The following DNAH7 variants were observed in gnomAD, a reference collection of about 807,000 sequenced individuals.
DNAH7 encodes the protein dynein axonemal heavy chain 7.
A neutral mutation model predicts 444.6 loss-of-function variants in DNAH7; 397 were observed. That is an observed-to-expected ratio of 0.89 (90% CI 0.82 to 0.97). DNAH7 has a LOEUF of 0.97. DNAH7 is among the 50% of genes least tolerant of loss of function. The pLI, the probability that DNAH7 is intolerant of heterozygous loss-of-function variation, is 0.00. For synonymous variants in DNAH7, 1,636 were observed against 1,624.4 expected, an observed-to-expected ratio of 1.01 and a Z score of -0.17; for missense variants, 4,902 against 4,800.8, an observed-to-expected ratio of 1.02 and a Z score of -0.62.
intron 55 of DNAH7, among the ~76,000 whole-genome samples, chr2:195,797,489 A>G (rs1272577399): frequency 6.6e-6 from 1 of 152,138 alleles, no homozygotes; most frequent in Non-Finnish European, 1.5e-5. Flanking sequence ...CATGAGCAGG[A>G]CCCACATAGG....
At chr2:195,789,576 T>C (rs1434589512) in intron 57 of DNAH7, among the ~76,000 whole-genome samples, 1 of 152,128 alleles carries the variant, frequency 6.6e-6, no homozygotes, top group African/African-American at 2.4e-5. Context: ...TGATTATTCC[T>C]GGCAAAGGAG....
intron 51 of DNAH7, among the ~76,000 whole-genome samples, chr2:195,815,031 T>C (rs760738965): frequency 2.6e-5 from 4 of 151,240 alleles, no homozygotes; most frequent in Non-Finnish European, 5.9e-5. Flanking sequence ...TGTGAGCCAC[T>C]GTGCCCAGGC....
intron 17 of DNAH7, among the ~76,000 whole-genome samples, chr2:195,968,256 G>C (rs1691613849): frequency 6.6e-6 from 1 of 152,048 alleles, no homozygotes; most frequent in South Asian, 2.1e-4. Context: ...TCTCACCTAA[G>C]GCCCATAGCA....
chr2:195,754,261 G>A (rs753907192), intron 63 of DNAH7, 76 bp downstream of exon 63: 11 of 1,412,636 alleles, frequency 7.8e-6, no homozygotes, highest in Non-Finnish European at 9.6e-6. Flanking sequence ...TTTAACAGCT[G>A]AGGAAAGTAT....
At chr2:196,055,094 G>A (rs1697721698) in intron 2 of DNAH7, among the ~76,000 whole-genome samples, 1 of 152,182 alleles carries the variant, frequency 6.6e-6, no homozygotes, top group African/African-American at 2.4e-5. Flanking sequence ...ATGGCTCACA[G>A]CTGTAATCCC....
chr2:195,872,239 G>T lies in DNAH7; in HGVS notation c.6633+11C>A. The T allele has an allele frequency of 6.3e-7, 1 of 1,594,718 alleles. No individual in the cohort carries two copies. Among genetic ancestry groups the T allele is most frequent in the South Asian group, 1.1e-5 (1 of 88,048 alleles). On this transcript the variant is annotated intron_variant, in intron 40 of 64. Coordinates refer to ENST00000312428, the MANE Select transcript of DNAH7 (RefSeq NM_018897.3). ...CTCACATAATCCCATTTCAATAACA[G>T]GAAAATTTACCTCATGAACCCAAAG...
intron 35 of DNAH7, among the ~76,000 whole-genome samples, chr2:195,882,350 T>A (rs1701436294): frequency 6.6e-6 from 1 of 152,240 alleles, no homozygotes; most frequent in South Asian, 2.1e-4. Flanking sequence ...ATTCAATAAA[T>A]GTTAACCAAT....
At chr2:195,878,354 C>T (rs971408363) in intron 36 of DNAH7, among the ~76,000 whole-genome samples, 1 of 152,146 alleles carries the variant, frequency 6.6e-6, no homozygotes, top group Admixed American at 6.5e-5. Context: ...AGCCTGTAAT[C>T]CCAGCACTTT....
At chr2:196,035,108 G>C (rs1168196001) in intron 5 of DNAH7, among the ~76,000 whole-genome samples, 1 of 152,114 alleles carries the variant, frequency 6.6e-6, no homozygotes, top group Non-Finnish European at 1.5e-5. Context: ...CTTGAACCCA[G>C]GAGGCGGAGG....
intron 56 of DNAH7, 105 bp from the exon 57 acceptor site, chr2:195,794,643 A>T: frequency 9.3e-7 from 1 of 1,075,138 alleles, no homozygotes; most frequent in Non-Finnish European, 1.4e-6. Context: ...GTATTTTTAC[A>T]AAGTAGAAAT....
chr2:195,760,106 A>G (rs776534984), intron 61 of DNAH7, among the ~76,000 whole-genome samples: 1 of 152,206 alleles, frequency 6.6e-6, no homozygotes, highest in Non-Finnish European at 1.5e-5. Context: ...GAGTAAGATC[A>G]GCAGTAGCCC....
At chr2:196,068,660 C>T (rs1486528266) in intron 1 of DNAH7, 37 bp downstream of exon 1, 4 of 1,549,010 alleles carry the variant, frequency 2.6e-6, no homozygotes, top group Admixed American at 2.0e-5. Context: ...GGAAGCGTCG[C>T]GGCGGCGGCG....
rs577381543 is a variant in DNAH7 at position 196,022,661 on chromosome 2, G to C, written c.743+1768C>G. 5.3e-5 allele frequency among the ~76,000 whole-genome samples: 8 copies of C among 152,272 alleles called. No individual in the cohort carries two copies. In the South Asian group the frequency reaches 1.5e-3, roughly 28 times the overall value. Reference sequence around the variant, plus strand: ...AACACATCTTTCCAACACATCTGCAGTGACTTCCTCCACTGAAGTCTTGAG... The same window carrying C: ...AACACATCTTTCCAACACATCTGCACTGACTTCCTCCACTGAAGTCTTGAG... On this transcript the variant is annotated intron_variant, in intron 8 of 64. Transcript: ENST00000312428.
intron 17 of DNAH7, among the ~76,000 whole-genome samples, chr2:195,961,855 C>T (rs1159808094): frequency 6.6e-6 from 1 of 151,754 alleles, no homozygotes; most frequent in African/African-American, 2.4e-5. Context: ...AGTTAGTAAT[C>T]CAGCTCAGGA....
At position 195,987,512 on chromosome 2, in the gene DNAH7, T is replaced by C. The variant is rs375989468; in HGVS notation, c.1627-319A>G. On this transcript the variant is annotated intron_variant, in intron 13 of 64. Coordinates refer to ENST00000312428, the MANE Select transcript of DNAH7 (RefSeq NM_018897.3). The stretch of plus-strand genomic sequence containing the variant: ...GGTTTCAAACGTTATAGTTGCTCTG[T>C]ACAAAAAAAATACATGTTCATGGTA... Among the ~76,000 whole-genome samples the C allele has an allele frequency of 5.3e-4, 81 of 152,036 alleles. 1 individual carries two copies. In the South Asian group the frequency reaches 0.017, roughly 31 times the overall value.
chr2:196,012,973 G>A, intron 9 of DNAH7, 67 bp from the exon 10 acceptor site: 2 of 1,151,182 alleles, frequency 1.7e-6, no homozygotes, highest in Non-Finnish European at 1.2e-6. Context: ...TTTATTAATT[G>A]GTTCCTTCTT....
At chr2:196,012,503 C>CA (rs771197201) in intron 10 of DNAH7, among the ~76,000 whole-genome samples, 12 of 152,056 alleles carry the variant, frequency 7.9e-5, no homozygotes, top group Non-Finnish European at 1.5e-4. Context: ...ATTAGGTAAC[C>CA]ATTCTCTCAT....
intron 27 of DNAH7, among the ~76,000 whole-genome samples, chr2:195,905,950 C>T (rs549474760): frequency 9.9e-5 from 15 of 152,112 alleles, no homozygotes; most frequent in African/African-American, 3.6e-4. Context: ...AAAAACTACT[C>T]ATTGTGATAT....
chr2:195,927,383 T>C (rs947585157), intron 21 of DNAH7, among the ~76,000 whole-genome samples: 2 of 152,130 alleles, frequency 1.3e-5, no homozygotes, highest in Non-Finnish European at 2.9e-5. Context: ...TGCTGGGATA[T>C]TTATAGAATG....
Sources: gnomAD v4.1 joint callset for allele counts (sites outside exome capture counted in the v4.1 genomes callset) on GRCh38, gnomAD v4.1.1 for gene constraint, MANE v1.5 for transcripts, NCBI Gene and HGNC (gene_info 2026-07-23, HGNC 2026-07-21) for gene names.